RBFOX1: variants seen among roughly 807,000 people sequenced by gnomAD.
RBFOX1 encodes the protein RNA binding protein fox-1 homolog 1.
Under a neutral mutation model 57.7 loss-of-function variants are expected in RBFOX1, and 8 were observed. The ratio of observed to expected loss-of-function variants is 0.14; its 90% CI spans 0.08 to 0.25. The LOEUF (loss-of-function observed/expected upper bound fraction) is 0.25, where lower values mean the gene tolerates loss of function less well. Ranked by LOEUF, RBFOX1 falls within the 10% of genes least tolerant of loss-of-function variation. The pLI, the probability that RBFOX1 is intolerant of heterozygous loss-of-function variation, is 1.00. For synonymous variants in RBFOX1, 326 were observed against 222.4 expected (o/e 1.47, Z -4.15); for missense variants, 611 against 548.5 (o/e 1.11, Z -1.14).
Position 6,963,791 on chromosome 16 carries a change from C to A in RBFOX1, c.-15-88266C>A, listed in dbSNP as rs188325767. Among the ~76,000 whole-genome samples, 907 of 151,760 alleles carry A rather than the reference C, an allele frequency of 6.0e-3. 8 individuals carry two copies. The highest frequency in any genetic ancestry group is 0.02 in the African/African-American group (831 of 41,334). ...TCGGCTCACTGCAAGCTCCACCTCC[C>A]GGGTTCATGCCATTCTCCTGCCTCA... On this transcript the variant is annotated intron_variant, in intron 3 of 15. Transcript: ENST00000550418.
intron 1 of RBFOX1, among the ~76,000 whole-genome samples, chr16:5,338,293 G>A (rs908757854): frequency 2.0e-5 from 3 of 152,160 alleles, no homozygotes; most frequent in Non-Finnish European, 4.4e-5. Context: ...ACATGATCAA[G>A]CTGGACCAGT....
At chr16:6,749,327 G>A (rs985928297) in intron 3 of RBFOX1, among the ~76,000 whole-genome samples, 10 of 152,262 alleles carry the variant, frequency 6.6e-5, no homozygotes, top group Middle Eastern at 3.4e-3. Flanking sequence ...CACACAGGAC[G>A]CATTCCACAC....
chr16:7,463,181 T>G (rs1263569617), intron 4 of RBFOX1, among the ~76,000 whole-genome samples: 1 of 152,140 alleles, frequency 6.6e-6, no homozygotes, highest in African/African-American at 2.4e-5. Context: ...TAGAAGGGAC[T>G]TGCAGGCTCT....
chr16:6,033,123 C>T (rs1170910900), intron 1 of RBFOX1, among the ~76,000 whole-genome samples: 2 of 152,100 alleles, frequency 1.3e-5, no homozygotes, highest in African/African-American at 2.4e-5. Flanking sequence ...AAATTGCGTG[C>T]TAATAGTTAG....
At chr16:7,687,815 T>C (rs2076387125) in intron 14 of RBFOX1, among the ~76,000 whole-genome samples, 1 of 151,966 alleles carries the variant, frequency 6.6e-6, no homozygotes, top group African/African-American at 2.4e-5. Context: ...CACAACTGTT[T>C]CCTGAAGAGG....
At chr16:7,180,694 C>G (rs11647498) in intron 4 of RBFOX1, among the ~76,000 whole-genome samples, 5 of 136,990 alleles carry the variant, frequency 3.6e-5, no homozygotes, top group African/African-American at 1.1e-4. Flanking sequence ...TGCTCCATTT[C>G]TACTGTAAGT....
At chr16:7,311,250 T>G (rs2096299682) in intron 4 of RBFOX1, among the ~76,000 whole-genome samples, 1 of 152,172 alleles carries the variant, frequency 6.6e-6, no homozygotes, top group African/African-American at 2.4e-5. Flanking sequence ...CTACCCTGTT[T>G]TGATCCTTTT....
At chr16:6,910,963 G>C (rs1446217914) in intron 3 of RBFOX1, among the ~76,000 whole-genome samples, 2 of 152,116 alleles carry the variant, frequency 1.3e-5, no homozygotes, top group African/African-American at 2.4e-5. Flanking sequence ...CACTTTGGGA[G>C]GCCGAGACAG....
At chr16:6,134,914 A>G (rs1750934143) in intron 1 of RBFOX1, among the ~76,000 whole-genome samples, 1 of 152,038 alleles carries the variant, frequency 6.6e-6, no homozygotes, top group Non-Finnish European at 1.5e-5. Flanking sequence ...TTACATATGT[A>G]TGCATGTGCC....
At chr16:7,465,262 T>C (rs374592875) in intron 4 of RBFOX1, among the ~76,000 whole-genome samples, 6 of 152,202 alleles carry the variant, frequency 3.9e-5, no homozygotes, top group South Asian at 2.1e-4. Flanking sequence ...ATAAGCCCAA[T>C]TGAAGTACAC....
chr16:7,463,138 T>A (rs1340084197), intron 4 of RBFOX1, among the ~76,000 whole-genome samples: 3 of 152,144 alleles, frequency 2.0e-5, no homozygotes, highest in African/African-American at 4.8e-5. Flanking sequence ...TTTTGGCTTA[T>A]AGAAGATTCC....
chr16:6,660,801 A>G lies in RBFOX1; in HGVS notation c.-16+6151A>G, dbSNP rs563745300. ...TGGTATCCACACCTACAGGCCTACC[A>G]TGTCATTTATAATTACATTTATTTT... On this transcript the variant is annotated intron_variant, in intron 3 of 15. Transcript: ENST00000550418. Among the ~76,000 whole-genome samples the G allele has an allele frequency of 2.0e-5, 3 of 152,108 alleles. 1 individual carries two copies. Among genetic ancestry groups the G allele is most frequent in the South Asian group, 4.2e-4 (2 of 4,818 alleles).
chr16:6,702,537 G>A (rs991134807), intron 3 of RBFOX1, among the ~76,000 whole-genome samples: 15 of 142,354 alleles, frequency 1.1e-4, no homozygotes, highest in African/African-American at 4.0e-4. Context: ...CTGGGTGACA[G>A]AGCGAGAGTC....
rs558945242 is a variant in RBFOX1, at chr16:5,553,440, C to T, written c.259-45462C>T. Among the ~76,000 whole-genome samples the T allele has an allele frequency of 4.8e-4, 73 of 151,998 alleles. No homozygotes were observed. The East Asian group carries it at 0.011, about 23-fold the overall frequency. ...ATGCCATTCTCCCGCCTCAGCCTCC[C>T]GAGTAGCTGGGACTACAGGCGCCCG... On this transcript the variant is annotated intron_variant, in intron 2 of 2. Coordinates refer to the RBFOX1 transcript ENST00000585867.
intron 5 of RBFOX1, among the ~76,000 whole-genome samples, chr16:7,544,935 C>T (rs1019922093): frequency 2.6e-5 from 4 of 152,166 alleles, no homozygotes; most frequent in African/African-American, 7.2e-5. Context: ...TGATGCTTCA[C>T]TCCAATAGCA....
At chr16:5,991,300 G>A (rs1478989396) in intron 4 of RBFOX1, among the ~76,000 whole-genome samples, 1 of 152,128 alleles carries the variant, frequency 6.6e-6, no homozygotes, top group African/African-American at 2.4e-5. Context: ...TTTAATATAC[G>A]TCTCCCAGGT....
At chr16:6,582,037 C>T (rs1031282363) in intron 2 of RBFOX1, among the ~76,000 whole-genome samples, 5 of 152,182 alleles carry the variant, frequency 3.3e-5, no homozygotes, top group African/African-American at 1.2e-4. Context: ...GGGTGCTGTA[C>T]TGCTGCACAT....
chr16:6,722,045 A>G (rs919527493), intron 3 of RBFOX1: 4 of 152,224 alleles, frequency 2.6e-5, no homozygotes. Context: ...CCTCCTATGT[A>G]TCTACTGATG....
intron 2 of RBFOX1, among the ~76,000 whole-genome samples, chr16:5,472,582 G>A (rs1426366865): frequency 1.3e-5 from 2 of 152,080 alleles, no homozygotes; most frequent in East Asian, 1.9e-4. Flanking sequence ...TCTTCTTCTC[G>A]TCTTCCAGGC....
Sources: allele counts gnomAD v4.1 joint callset (sites outside exome capture counted in the v4.1 genomes callset), GRCh38; gene constraint gnomAD v4.1.1; transcripts MANE v1.5; gene names NCBI Gene and HGNC (gene_info 2026-07-23, HGNC 2026-07-21).